SCTR: variants seen among roughly 807,000 people sequenced by gnomAD.
SCTR encodes the protein pancreatic secretin receptor.
SCTR carries 56 observed loss-of-function variants against 60.8 expected under a neutral mutation model. That is an observed-to-expected ratio of 0.92 (90% CI 0.74 to 1.15). The LOEUF (loss-of-function observed/expected upper bound fraction) is 1.15. Among genes scored for constraint, SCTR ranks in the 50% most tolerant of loss-of-function variants. The pLI, the probability that SCTR is intolerant of heterozygous loss-of-function variation, is 0.00. For missense variants in SCTR, 562 were observed against 550.4 expected (o/e 1.02, Z -0.21); for synonymous variants, 202 against 217.0 (o/e 0.93, Z 0.61).
intron 2 of SCTR, among the ~76,000 whole-genome samples, chr2:119,493,004 C>T (rs1186425953): frequency 6.6e-6 from 1 of 151,978 alleles, no homozygotes; most frequent in Non-Finnish European, 1.5e-5. Context: ...ATTACAGGTG[C>T]CCACCACCAT....
At chr2:119,510,969 G>A (rs544802361) in intron 1 of SCTR, among the ~76,000 whole-genome samples, 69 of 152,098 alleles carry the variant, frequency 4.5e-4, no homozygotes, top group African/African-American at 1.5e-3. Context: ...AGGCTGAGGC[G>A]GGCAGATCAC....
Position 119,448,760 on chromosome 2 carries a change from T to C in SCTR, c.942A>G (p.Ile314Met), listed in dbSNP as rs374113005. The change falls in exon 10 of 13, where the codon ATA becomes ATG. Residue 314 changes from isoleucine to methionine, a missense_variant. Physicochemically the swap from Ile to Met is conservative, Grantham distance 10 (BLOSUM62 1). Coordinates refer to ENST00000019103, the MANE Select transcript of SCTR (RefSeq NM_002980.3). The part of the protein sequence containing the change: ...LSILINFILF[I>M]NILRILMRKL... ...TTCTCATCAGGATTCTTAGAATGTT[T>C]ATGAAAAGGATGAAATTAATCTGCA... is the stretch of plus-strand genomic sequence containing the variant. 6 of 1,595,726 alleles carry C rather than the reference T, an allele frequency of 3.8e-6. No homozygotes were observed. Among genetic ancestry groups the C allele is most frequent in the Non-Finnish European group, 5.2e-6 (6 of 1,163,418 alleles).
At chr2:119,493,042 A>C (rs1678199636) in intron 2 of SCTR, among the ~76,000 whole-genome samples, 1 of 152,024 alleles carries the variant, frequency 6.6e-6, no homozygotes, top group Non-Finnish European at 1.5e-5. Flanking sequence ...TTTTTAATAG[A>C]GATGGGGTTT....
intron 2 of SCTR, chr2:119,479,368 A>C: frequency 5.0e-6 from 4 of 796,558 alleles, no homozygotes; most frequent in Non-Finnish European, 6.1e-6. Context: ...GGGATCCTGC[A>C]TGAATTGGTT....
intron 1 of SCTR, among the ~76,000 whole-genome samples, chr2:119,507,941 T>C (rs13001785): frequency 0.16 from 23,929 of 152,102 alleles, 2,441 homozygotes; most frequent in Non-Finnish European, 0.23. Context: ...CCTCCCAAAG[T>C]GCTGGCTCAT....
chr2:119,475,265 T>C (rs2104836792), intron 3 of SCTR, among the ~76,000 whole-genome samples: 1 of 152,244 alleles, frequency 6.6e-6, no homozygotes, highest in Non-Finnish European at 1.5e-5. Context: ...GGAAAGCAAG[T>C]TAAGGGAACA....
intron 1 of SCTR, among the ~76,000 whole-genome samples, chr2:119,509,554 C>T (rs1216003668): frequency 6.6e-6 from 1 of 152,148 alleles, no homozygotes; most frequent in Non-Finnish European, 1.5e-5. Flanking sequence ...AAGAAGAGTT[C>T]AACTTCCTTG....
chr2:119,489,490 TG>T (rs1558869347), intron 2 of SCTR, among the ~76,000 whole-genome samples: 1 of 152,202 alleles, frequency 6.6e-6, no homozygotes, highest in Non-Finnish European at 1.5e-5. Flanking sequence ...ACACTGTAGC[TG>T]CCTCAGGCTG....
chr2:119,511,288 G>A (rs771583683), intron 1 of SCTR, among the ~76,000 whole-genome samples: 17 of 151,972 alleles, frequency 1.1e-4, no homozygotes, highest in Non-Finnish European at 1.9e-4. Flanking sequence ...CTTCCTATTA[G>A]GGAAGAGAAA....
intron 1 of SCTR, among the ~76,000 whole-genome samples, chr2:119,513,317 C>T (rs148775900): frequency 6.6e-6 from 1 of 152,250 alleles, no homozygotes; most frequent in East Asian, 1.9e-4. Flanking sequence ...TATTCCTTTA[C>T]TGTCATTTTA....
At chr2:119,507,178 T>C (rs1425440173) in intron 1 of SCTR, among the ~76,000 whole-genome samples, 3 of 152,222 alleles carry the variant, frequency 2.0e-5, no homozygotes, top group Non-Finnish European at 4.4e-5. Flanking sequence ...TAACAGGATA[T>C]GTTCAGGCAT....
At chr2:119,509,347 G>A (rs573780497) in intron 1 of SCTR, among the ~76,000 whole-genome samples, 129 of 152,234 alleles carry the variant, frequency 8.5e-4, no homozygotes, top group African/African-American at 2.7e-3. Context: ...TTGTTATGCC[G>A]CCTAGCTGAC....
chr2:119,480,779 C>T (rs1041416206), intron 2 of SCTR: 2 of 152,290 alleles, frequency 1.3e-5, no homozygotes, highest in South Asian at 2.1e-4. Flanking sequence ...GAGAGGTCAT[C>T]GCTGGGGTCA....
At chr2:119,519,305 T>C (rs1484055717) in intron 1 of SCTR, among the ~76,000 whole-genome samples, 8 of 152,188 alleles carry the variant, frequency 5.3e-5, no homozygotes, top group Non-Finnish European at 8.8e-5. Context: ...GTTTGGGAAC[T>C]GGTATCTCCT....
intron 1 of SCTR, among the ~76,000 whole-genome samples, chr2:119,520,040 A>T (rs935660153): frequency 7.2e-5 from 11 of 152,138 alleles, no homozygotes; most frequent in African/African-American, 2.7e-4. Flanking sequence ...AGTGTCTGGT[A>T]GAAAATAAGA....
chr2:119,471,393 C>G (rs1677004843), intron 4 of SCTR, among the ~76,000 whole-genome samples: 1 of 152,172 alleles, frequency 6.6e-6, no homozygotes, highest in African/African-American at 2.4e-5. Flanking sequence ...AGTGCTCACT[C>G]CTTGTCGAAT....
chr2:119,518,138 C>T (rs1679171632), intron 1 of SCTR, among the ~76,000 whole-genome samples: 1 of 152,202 alleles, frequency 6.6e-6, no homozygotes, highest in Non-Finnish European at 1.5e-5. Context: ...TGATCTCACA[C>T]TTCCAACCTC....
chr2:119,504,325 G>C (rs532967490), intron 1 of SCTR, among the ~76,000 whole-genome samples: 1 of 152,140 alleles, frequency 6.6e-6, no homozygotes, highest in Non-Finnish European at 1.5e-5. Flanking sequence ...AGCTGCAGTG[G>C]TGCATGCCTG....
At chr2:119,501,332 C>T (rs997772275) in intron 1 of SCTR, among the ~76,000 whole-genome samples, 1 of 151,822 alleles carries the variant, frequency 6.6e-6, no homozygotes, top group African/African-American at 2.4e-5. Flanking sequence ...ATGGGGTGAA[C>T]CTGGTAGGTG....
Sources: gnomAD v4.1 joint callset for allele counts (sites outside exome capture counted in the v4.1 genomes callset) on GRCh38, gnomAD v4.1.1 for gene constraint, MANE v1.5 for transcripts, NCBI Gene and HGNC (gene_info 2026-07-23, HGNC 2026-07-21) for gene names.